The following MCM2 variants were observed in gnomAD, a reference collection of about 807,000 sequenced individuals.
The protein encoded by MCM2 is DNA replication licensing factor MCM2.
A neutral mutation model predicts 86.4 loss-of-function variants in MCM2; 49 were observed. The ratio of observed to expected loss-of-function variants is 0.57; its 90% CI spans 0.45 to 0.72. The LOEUF (loss-of-function observed/expected upper bound fraction) is 0.72. Among genes scored for constraint, MCM2 ranks in the 30% least tolerant of loss-of-function variants. The probability of loss-of-function intolerance (pLI) is 0.00; values close to 1 mark genes in which losing one functional copy is unlikely to be tolerated. For synonymous variants in MCM2, 475 were observed against 484.6 expected (o/e 0.98, Z 0.26); for missense variants, 1,038 against 1,259.9 (o/e 0.82, Z 2.67).
At chr3:127,602,278 A>G (rs1203607208) in intron 2 of MCM2, among the ~76,000 whole-genome samples, 3 of 152,022 alleles carry the variant, frequency 2.0e-5, no homozygotes, top group Admixed American at 6.6e-5. Flanking sequence ...CATGGAAGAA[A>G]TCAGACCTGG....
chr3:127,599,715 C>T (rs1475468822), intron 2 of MCM2, among the ~76,000 whole-genome samples, 168 bp downstream of exon 2: 1 of 152,202 alleles, frequency 6.6e-6, no homozygotes, highest in Non-Finnish European at 1.5e-5. Context: ...AGCCATGACA[C>T]AGGTCTCTTT....
chr3:127,602,865 G>A (rs888338580), intron 2 of MCM2, among the ~76,000 whole-genome samples: 2 of 152,170 alleles, frequency 1.3e-5, no homozygotes, highest in African/African-American at 4.8e-5. Flanking sequence ...CAGCCCTCAC[G>A]GGGAGTTGGG....
Position 127,604,706 on chromosome 3 carries a change from C to T in MCM2, c.335C>T (p.Ala112Val). The T allele has an allele frequency of 1.9e-6, 3 of 1,612,304 alleles. No individual in the cohort carries two copies. The highest frequency in any genetic ancestry group is 2.5e-6 in the Non-Finnish European group (3 of 1,179,838). The change falls in exon 3 of 16, where the codon GCA becomes GTA. Residue 112 changes from alanine to valine, a missense_variant. This residue lies in a region of MCM2 where 300 missense variants were observed against 307.4 expected (regional missense o/e 0.98). Coordinates refer to ENST00000265056, the MANE Select transcript of MCM2 (RefSeq NM_004526.4). ...VEELTASQRE[A>V]AERAMRQRDR... is the part of the protein sequence containing the mutation. ...GAGCTGACGGCCAGTCAGAGGGAGG[C>T]AGCAGAGCGGGCCATGCGGCAGCGT...
chr3:127,610,235 A>C (rs956797592), intron 8 of MCM2, among the ~76,000 whole-genome samples: 16 of 152,178 alleles, frequency 1.1e-4, no homozygotes, highest in Non-Finnish European at 2.2e-4. Flanking sequence ...GATAAAATTC[A>C]GTTCCCATTT....
intron 4 of MCM2, 75 bp downstream of exon 4, chr3:127,605,231 G>A (rs952945882): frequency 1.9e-5 from 30 of 1,554,836 alleles, no homozygotes; most frequent in East Asian, 9.0e-5. Flanking sequence ...TGTCTGAGCC[G>A]AGTGAACACG....
Position 127,617,415 on chromosome 3 carries a change from G to A in MCM2, c.1900+10G>A. 6.2e-7 allele frequency: 1 copy of A among 1,612,094 alleles called. No homozygotes were observed. The highest frequency in any genetic ancestry group is 8.5e-7 in the Non-Finnish European group (1 of 1,179,206). ...GCCGCCAACCCCATAGGTGCAGCAGGCACCCTGACTGCTGGGGCTGGGGTG... is the reference window on the plus strand; with the variant it reads ...GCCGCCAACCCCATAGGTGCAGCAGACACCCTGACTGCTGGGGCTGGGGTG... On this transcript the variant is annotated intron_variant, in intron 11 of 15. Coordinates refer to ENST00000265056, the MANE Select transcript of MCM2 (RefSeq NM_004526.4). The surrounding 1 kb of genome is among the most constrained non-coding windows in gnomAD (Gnocchi z 4.1).
chr3:127,617,440 G>A lies in MCM2; in HGVS notation c.1900+35G>A. On this transcript the variant is annotated intron_variant, in intron 11 of 15. Transcript: ENST00000265056. This position sits in a 1 kb window ranked among gnomAD's most constrained non-coding sequence, Gnocchi z 4.1. ...GCACCCTGACTGCTGGGGCTGGGGT[G>A]GGACACAGGGAGGTCCCGCCTGCTT... The A allele has an allele frequency of 6.3e-7, 1 of 1,599,134 alleles. No individual in the cohort carries two copies.
At chr3:127,605,901 T>C (rs936590773) in intron 4 of MCM2, among the ~76,000 whole-genome samples, 3 of 152,206 alleles carry the variant, frequency 2.0e-5, no homozygotes, top group African/African-American at 7.2e-5. Context: ...CCCCAGCAAC[T>C]TTGTACACTG....
rs964704980 is a variant in MCM2, at chr3:127,618,623, C to A, written c.2014-404C>A. Among the ~76,000 whole-genome samples the A allele has an allele frequency of 3.9e-5, 6 of 152,130 alleles. No individual in the cohort carries two copies. The highest frequency in any genetic ancestry group is 1.4e-4 in the African/African-American group (6 of 41,418). ...CCTTGGGGCTTGATTGTGCTCCTTG[C>A]TCCTGGCAGACGCTCTCCCACACTG... On this transcript the variant is annotated intron_variant, in intron 12 of 15. Coordinates refer to ENST00000265056, the MANE Select transcript of MCM2 (RefSeq NM_004526.4). The surrounding 1 kb of genome is among the most constrained non-coding windows in gnomAD (Gnocchi z 4.0).
chr3:127,620,998 T>G, intron 14 of MCM2, 75 bp from the exon 15 acceptor site: 3 of 1,584,542 alleles, frequency 1.9e-6, no homozygotes, highest in Non-Finnish European at 2.6e-6. Context: ...CTGACCTGGG[T>G]GCTGGCACGT....
intron 2 of MCM2, among the ~76,000 whole-genome samples, chr3:127,600,876 CAAA>C (rs1223033763): frequency 2.4e-5 from 2 of 84,586 alleles, no homozygotes. Context: ...TGTGGTTTTT[CAAA>C]AAAAAAAAAA....
chr3:127,617,089 G>A lies in MCM2; in HGVS notation c.1744G>A (p.Gly582Arg), dbSNP rs745974889. The change falls in exon 10 of 16, where the codon GGA becomes AGA. Residue 582 changes from glycine (G) to arginine (R), a missense_variant. This residue lies in a region of MCM2 where 399 missense variants were observed against 507.2 expected (regional missense o/e 0.79). Coordinates refer to ENST00000265056, the MANE Select transcript of MCM2 (RefSeq NM_004526.4). The surrounding 1 kb of genome is among the most constrained non-coding windows in gnomAD (Gnocchi z 4.1). ...EAGALVLADRGVCLIDEFDKM... is the reference protein window; with the variant it reads ...EAGALVLADRRVCLIDEFDKM... ...TGGGGCCCTGGTTCTGGCTGACCGA[G>A]GAGTGTGTCTCATTGATGAATTTGA... 1 of 1,614,066 alleles carries A rather than the reference G, an allele frequency of 6.2e-7. No individual in the cohort carries two copies. The highest frequency in any genetic ancestry group is 8.5e-7 in the Non-Finnish European group (1 of 1,179,962).
At chr3:127,611,271 G>A (rs1365555048) in intron 8 of MCM2, among the ~76,000 whole-genome samples, 2 of 152,160 alleles carry the variant, frequency 1.3e-5, no homozygotes, top group Non-Finnish European at 2.9e-5. Flanking sequence ...CTAAGCAGCC[G>A]GGCCACCTGT....
intron 6 of MCM2, among the ~76,000 whole-genome samples, chr3:127,607,883 G>A (rs1228938787): frequency 2.0e-5 from 3 of 152,194 alleles, no homozygotes; most frequent in African/African-American, 7.2e-5. Context: ...TAACTGCAGT[G>A]CCATGTTGTG....
At position 127,617,943 on chromosome 3, in the gene MCM2, G is replaced by A. The variant is rs373548732; in HGVS notation, c.1901-26G>A. 1 of 1,575,480 alleles carries A rather than the reference G, an allele frequency of 6.3e-7. No homozygotes were observed. Among genetic ancestry groups the A allele is most frequent in the South Asian group, 1.1e-5 (1 of 89,008 alleles). On this transcript the variant is annotated intron_variant, in intron 11 of 15. Transcript: ENST00000265056. This position sits in a 1 kb window ranked among gnomAD's most constrained non-coding sequence, Gnocchi z 4.1. ...ATGGGAGGATAGGGGAATCCACCCT[G>A]ATGGAGGTGCTCCCCTGTGTTTCAG... is the stretch of plus-strand genomic sequence containing the variant.
At chr3:127,611,708 T>A (rs1207434178) in intron 8 of MCM2, among the ~76,000 whole-genome samples, 1 of 126,836 alleles carries the variant, frequency 7.9e-6, no homozygotes, top group African/African-American at 3.3e-5. Flanking sequence ...TTTTTTTTTT[T>A]TTTTTTTTGA....
At chr3:127,599,671 C>G (rs1427537292) in intron 2 of MCM2, 124 bp downstream of exon 2, 1 of 835,754 alleles carries the variant, frequency 1.2e-6, no homozygotes. Flanking sequence ...TTGAGCACAG[C>G]TTGATCCAGG....
At chr3:127,598,515 G>A (rs1210526176) in intron 1 of MCM2, 43 bp downstream of exon 1, 1 of 1,606,636 alleles carries the variant, frequency 6.2e-7, no homozygotes. Flanking sequence ...GGGGACATGG[G>A]TGCGGAGGCT....
intron 2 of MCM2, among the ~76,000 whole-genome samples, chr3:127,602,927 T>C (rs541476249): frequency 1.3e-5 from 2 of 152,350 alleles, no homozygotes; most frequent in African/African-American, 4.8e-5. Context: ...TTGAATTATT[T>C]TTTCTTATTG....
Sources: allele counts gnomAD v4.1 joint callset (sites outside exome capture counted in the v4.1 genomes callset), GRCh38; gene constraint gnomAD v4.1.1; regional missense constraint gnomAD v4.1.1; non-coding constraint Gnocchi (gnomAD v3.1); transcripts MANE v1.5; gene names NCBI Gene and HGNC (gene_info 2026-07-23, HGNC 2026-07-21).